Variants in RAPGEF5 observed in about 807,000 individuals in gnomAD.
RAPGEF5 encodes M-Ras-regulated GEF.
Under a neutral mutation model 125.2 loss-of-function variants are expected in RAPGEF5, and 65 were observed. The ratio of observed to expected loss-of-function variants is 0.52; its 90% CI spans 0.43 to 0.64. The LOEUF (loss-of-function observed/expected upper bound fraction) is 0.64, where lower values mean the gene tolerates loss of function less well. Ranked by LOEUF, RAPGEF5 falls within the 30% of genes least tolerant of loss-of-function variation. The probability of loss-of-function intolerance (pLI) is 0.00; values close to 1 mark genes in which losing one functional copy is unlikely to be tolerated. For synonymous variants in RAPGEF5, 391 were observed against 385.9 expected (o/e 1.01, Z -0.16); for missense variants, 958 against 1,048.1 (o/e 0.91, Z 1.19).
chr7:22,251,294 A>AC (rs1562489018), intron 7 of RAPGEF5, among the ~76,000 whole-genome samples: 2 of 144,932 alleles, frequency 1.4e-5, no homozygotes, highest in Non-Finnish European at 3.0e-5. Flanking sequence ...GCAACCACTC[A>AC]CGTACCCTCC....
rs542617163 is a variant in RAPGEF5, at chr7:22,200,256, A to G, written c.997-6223T>C. 2.0e-5 allele frequency among the ~76,000 whole-genome samples: 3 copies of G among 152,346 alleles called. No individual in the cohort carries two copies. In the South Asian group the frequency reaches 6.2e-4, roughly 32 times the overall value. On this transcript the variant is annotated intron_variant, in intron 9 of 25. Transcript: ENST00000665637. ...AATTTTATTCGAGAACAACCCTTAG[A>G]TAATTTGCTGACAATGTATCTCATG...
chr7:22,181,029 T>C (rs1562744480), intron 11 of RAPGEF5, among the ~76,000 whole-genome samples: 1 of 152,192 alleles, frequency 6.6e-6, no homozygotes. Context: ...TGGCTGGCAA[T>C]GCCTTCAAAT....
intron 8 of RAPGEF5, among the ~76,000 whole-genome samples, chr7:22,222,006 G>A (rs1265892349): frequency 6.6e-6 from 1 of 152,124 alleles, no homozygotes; most frequent in Non-Finnish European, 1.5e-5. Flanking sequence ...CAGCACTTTG[G>A]GAGGCTGAGG....
At chr7:22,195,525 G>T (rs1332731594) in intron 9 of RAPGEF5, among the ~76,000 whole-genome samples, 4 of 152,088 alleles carry the variant, frequency 2.6e-5, no homozygotes, top group Non-Finnish European at 5.9e-5. Flanking sequence ...TTTCAGCAAG[G>T]TCAGACGCGT....
chr7:22,292,989 A>T (rs1054367321), intron 5 of RAPGEF5, among the ~76,000 whole-genome samples: 3 of 152,266 alleles, frequency 2.0e-5, no homozygotes, highest in Non-Finnish European at 2.9e-5. Flanking sequence ...CAAACAATTT[A>T]GTCCCTGTTT....
chr7:22,232,661 T>C lies in RAPGEF5; in HGVS notation c.797-1742A>G, dbSNP rs897378946. On this transcript the variant is annotated intron_variant, in intron 7 of 25. Coordinates refer to ENST00000665637, the MANE Select transcript of RAPGEF5 (RefSeq NM_012294.5). The stretch of plus-strand genomic sequence containing the variant: ...ATTGTGCTCTCTGCTCTGTATTTTT[T>C]AAAATATCATTTCATGTACTTTTTG... Among the ~76,000 whole-genome samples the C allele has an allele frequency of 4.6e-5, 7 of 152,314 alleles. No individual in the cohort carries two copies. The Middle Eastern group carries it at 0.014, about 296-fold the overall frequency.
At chr7:22,272,140 G>A (rs769589232) in intron 6 of RAPGEF5, among the ~76,000 whole-genome samples, 2 of 151,864 alleles carry the variant, frequency 1.3e-5, no homozygotes, top group Non-Finnish European at 2.9e-5. Context: ...TCAGGAGTTC[G>A]AGACCAGCCT....
Position 22,357,069 on chromosome 7 carries a change from G to T in RAPGEF5, c.-9C>A, listed in dbSNP as rs923625634. 17 of 1,035,296 alleles carry T rather than the reference G, an allele frequency of 1.6e-5. No individual in the cohort carries two copies. Among genetic ancestry groups the T allele is most frequent in the Non-Finnish European group, 1.9e-5 (16 of 863,454 alleles). 64.1% of individuals were successfully genotyped at this position (1,035,296 alleles called of 1,614,324 possible). A position where few individuals can be genotyped will look rare whatever the true frequency, so the allele number is the denominator to read the frequency against. The stretch of plus-strand genomic sequence containing the variant: ...CCCACGGCCATCCTCATGCCCTGAC[G>T]GCGCTGCGGCGCCGGGGGCTCCTCT... On this transcript the variant is annotated 5_prime_UTR_variant, in exon 1 of 26. Coordinates refer to ENST00000665637, the MANE Select transcript of RAPGEF5 (RefSeq NM_012294.5).
At chr7:22,330,912 G>A (rs1187698213) in intron 1 of RAPGEF5, among the ~76,000 whole-genome samples, 1 of 152,172 alleles carries the variant, frequency 6.6e-6, no homozygotes. Context: ...TCACTCTGGG[G>A]TATGTAAACC....
At chr7:22,269,312 T>C (rs1411252454) in intron 6 of RAPGEF5, among the ~76,000 whole-genome samples, 1 of 152,066 alleles carries the variant, frequency 6.6e-6, no homozygotes, top group Non-Finnish European at 1.5e-5. Flanking sequence ...TCTTCACAGT[T>C]CTTTTTTGTT....
chr7:22,243,400 G>A (rs1258808623), intron 7 of RAPGEF5, among the ~76,000 whole-genome samples: 1 of 152,042 alleles, frequency 6.6e-6, no homozygotes, highest in Non-Finnish European at 1.5e-5. Context: ...GGGATTACAG[G>A]CACCCACCAT....
rs1785058819 is a variant in RAPGEF5, at chr7:22,193,436, T to A, written c.1135A>T (p.Thr379Ser). Residue 379 changes from threonine (T) to serine (S), a missense_variant, in exon 11 of 26, where the codon ACC becomes TCC. Transcript: ENST00000665637. Reference sequence around the variant, plus strand: ...AGGTGCTCCAAAATCTTCTCCGGGGTCCCGGACACCACCACATATCTGTCA... The same window carrying A: ...AGGTGCTCCAAAATCTTCTCCGGGGACCCGGACACCACCACATATCTGTCA... ...SHWRYVVVSG[T>S]PEKILEHLLN... is the part of the protein sequence containing the mutation. 1.3e-6 allele frequency: 2 copies of A among 1,594,062 alleles called. No individual in the cohort carries two copies. Among genetic ancestry groups the A allele is most frequent in the Admixed American group, 1.7e-5 (1 of 57,590 alleles).
At chr7:22,240,012 C>T (rs367605159) in intron 7 of RAPGEF5, among the ~76,000 whole-genome samples, 1 of 151,880 alleles carries the variant, frequency 6.6e-6, no homozygotes, top group Non-Finnish European at 1.5e-5. Context: ...AGTTCGAGAC[C>T]AGCCTGCCCA....
intron 11 of RAPGEF5, among the ~76,000 whole-genome samples, chr7:22,173,214 T>C (rs988373410): frequency 9.9e-5 from 15 of 152,214 alleles, no homozygotes; most frequent in African/African-American, 3.6e-4. Flanking sequence ...GTAATTTGAT[T>C]AAGCACAAAT....
intron 6 of RAPGEF5, among the ~76,000 whole-genome samples, chr7:22,281,334 CCTGAGTAG>C (rs1782669333): frequency 6.6e-6 from 1 of 152,208 alleles, no homozygotes; most frequent in South Asian, 2.1e-4. Context: ...ACCTCAGCCT[CCTGAGTAG>C]CTGGGACCAC....
chr7:22,190,151 G>A (rs1722923614), intron 11 of RAPGEF5, among the ~76,000 whole-genome samples: 1 of 152,068 alleles, frequency 6.6e-6, no homozygotes, highest in African/African-American at 2.4e-5. Context: ...GTGGTGGTGG[G>A]CCCCTGTAAT....
At chr7:22,329,158 C>A (rs572133225) in intron 1 of RAPGEF5, among the ~76,000 whole-genome samples, 2 of 152,278 alleles carry the variant, frequency 1.3e-5, no homozygotes, top group South Asian at 4.1e-4. Context: ...ATTTTAAACA[C>A]CAACAACTGC....
intron 11 of RAPGEF5, among the ~76,000 whole-genome samples, chr7:22,188,994 A>G (rs1784907737): frequency 6.6e-6 from 1 of 150,852 alleles, no homozygotes; most frequent in South Asian, 2.1e-4. Context: ...CAAGCTGTGT[A>G]GACACGTCCA....
intron 7 of RAPGEF5, among the ~76,000 whole-genome samples, chr7:22,256,451 C>T (rs1372339726): frequency 5.3e-5 from 8 of 152,184 alleles, no homozygotes; most frequent in East Asian, 3.9e-4. Context: ...CCAAATTTTA[C>T]GCCAGCCCCT....
Sources: gnomAD v4.1 joint callset for allele counts (sites outside exome capture counted in the v4.1 genomes callset) on GRCh38, gnomAD v4.1.1 for gene constraint, MANE v1.5 for transcripts, NCBI Gene and HGNC (gene_info 2026-07-23, HGNC 2026-07-21) for gene names.